The following CACNA1D variants were observed in gnomAD, a reference collection of about 807,000 sequenced individuals.
The protein encoded by CACNA1D is voltage-dependent L-type calcium channel subunit alpha-1D.
CACNA1D carries 55 observed loss-of-function variants against 257.1 expected under a neutral mutation model. That is an observed-to-expected ratio of 0.21 (90% CI 0.17 to 0.27). CACNA1D has a LOEUF of 0.27. Ranked by LOEUF, CACNA1D falls within the 10% of genes least tolerant of loss-of-function variation. CACNA1D has a pLI of 1.00. For synonymous variants in CACNA1D, 980 were observed against 1,014.9 expected (o/e 0.97, Z 0.65); for missense variants, 1,876 against 2,784.0 (o/e 0.67, Z 7.34).
chr3:53,638,518 A>G (rs2612019), intron 3 of CACNA1D, among the ~76,000 whole-genome samples: 9,491 of 152,262 alleles, frequency 0.062, 1,006 homozygotes, highest in African/African-American at 0.21. Context: ...GTAATAGCCA[A>G]TGTTCCATGA....
intron 3 of CACNA1D, among the ~76,000 whole-genome samples, chr3:53,622,899 T>C (rs1355608923): frequency 6.6e-6 from 1 of 152,050 alleles, no homozygotes; most frequent in Admixed American, 6.5e-5. Flanking sequence ...GAAGCCTTTT[T>C]TTTTTTTTGA....
At chr3:53,721,019 A>G (rs1019393665) in intron 11 of CACNA1D, among the ~76,000 whole-genome samples, 3 of 152,222 alleles carry the variant, frequency 2.0e-5, no homozygotes, top group Non-Finnish European at 4.4e-5. Context: ...GGTCCATCAA[A>G]TGTGAATGGG....
At chr3:53,648,528 G>A (rs942915335) in intron 3 of CACNA1D, among the ~76,000 whole-genome samples, 4 of 152,100 alleles carry the variant, frequency 2.6e-5, no homozygotes, top group Non-Finnish European at 2.9e-5. Flanking sequence ...GTGTGTGATC[G>A]TTCCTCCAGC....
In CACNA1D at chr3:53,661,549, A is replaced by G. The variant is rs185945536; in HGVS notation, c.766+1274A>G. 2.2e-4 allele frequency among the ~76,000 whole-genome samples: 34 copies of G among 152,346 alleles called. No individual in the cohort carries two copies. The East Asian group carries it at 6.4e-3, about 29-fold the overall frequency. ...TAAATGAGAAGTTCAGTGAGCAAAC[A>G]TGTTCTTCCAGATTTAGTTGTTATA... On this transcript the variant is annotated intron_variant, in intron 5 of 47. Transcript: ENST00000350061.
rs1344902950 is a variant in CACNA1D, at chr3:53,494,976, G to T, written c.-191G>T. 8.4e-6 allele frequency: 5 copies of T among 597,026 alleles called. No individual in the cohort carries two copies. In the East Asian group the frequency reaches 8.4e-5, roughly 10 times the overall value. The allele number at this position is 597,026 out of a possible 1,614,324, so 37.0% of individuals were successfully genotyped here. ...AAAGAGAGAGCTTGGGTGGCGAGCG[G>T]TTTTTTTTTTAAATCAATTATCCTT... On this transcript the variant is annotated 5_prime_UTR_variant, in exon 1 of 48. Coordinates refer to ENST00000350061, the MANE Select transcript of CACNA1D (RefSeq NM_001128840.3).
chr3:53,634,737 C>T (rs954635257), intron 3 of CACNA1D, among the ~76,000 whole-genome samples: 1 of 152,190 alleles, frequency 6.6e-6, no homozygotes, highest in African/African-American at 2.4e-5. Flanking sequence ...CATTTCCCAC[C>T]ATCAGTATCA....
chr3:53,720,967 C>G (rs1171339956), intron 11 of CACNA1D, among the ~76,000 whole-genome samples: 1 of 152,228 alleles, frequency 6.6e-6, no homozygotes, highest in Non-Finnish European at 1.5e-5. Flanking sequence ...AATGTTTGTA[C>G]CAGTTTTATT....
chr3:53,553,308 TA>T (rs1190133996), intron 3 of CACNA1D, among the ~76,000 whole-genome samples: 2 of 152,200 alleles, frequency 1.3e-5, no homozygotes, highest in African/African-American at 4.8e-5. Flanking sequence ...TATGAAGTTA[TA>T]AAAAAATGTG....
intron 8 of CACNA1D, among the ~76,000 whole-genome samples, chr3:53,697,045 C>T (rs1015409017): frequency 6.6e-6 from 1 of 152,170 alleles, no homozygotes; most frequent in Non-Finnish European, 1.5e-5. Flanking sequence ...CTGCATAAGA[C>T]ACTTCACAGC....
Position 53,732,095 on chromosome 3 carries a change from A to T in CACNA1D, c.2473+13A>T. On this transcript the variant is annotated intron_variant, in intron 18 of 47. Transcript: ENST00000350061. ...TGCGATGTGCCAGGTATGGTGGCGG[A>T]GGCCGGAGACGCTGGCTTTGCTGTG... 2.5e-6 allele frequency: 4 copies of T among 1,603,438 alleles called. No individual in the cohort carries two copies. The highest frequency in any genetic ancestry group is 3.4e-6 in the Non-Finnish European group (4 of 1,170,260).
intron 26 of CACNA1D, 62 bp from the exon 27 acceptor site, chr3:53,749,206 G>A: frequency 1.7e-6 from 2 of 1,201,540 alleles, no homozygotes. Flanking sequence ...TGGGAAGGCA[G>A]CGGGCTGGGC....
At chr3:53,609,495 T>C (rs2093556830) in intron 3 of CACNA1D, among the ~76,000 whole-genome samples, 1 of 152,036 alleles carries the variant, frequency 6.6e-6, no homozygotes, top group Admixed American at 6.6e-5. Context: ...ATCTGAGCTT[T>C]GGTAGCTTGT....
intron 3 of CACNA1D, among the ~76,000 whole-genome samples, chr3:53,641,175 C>T (rs2093946014): frequency 6.6e-6 from 1 of 152,150 alleles, no homozygotes; most frequent in Non-Finnish European, 1.5e-5. Context: ...GGACCCATGA[C>T]AGACGTCAGT....
chr3:53,666,383 A>C lies in CACNA1D; in HGVS notation c.964A>C (p.Asn322His). 1 of 1,614,128 alleles carries C rather than the reference A, an allele frequency of 6.2e-7. No individual in the cohort carries two copies. Among genetic ancestry groups the C allele is most frequent in the Non-Finnish European group, 8.5e-7 (1 of 1,180,014 alleles). The change falls in exon 7 of 48, where the codon AAT becomes CAT. Residue 322 changes from asparagine to histidine, a missense_variant. By Grantham distance (68) the Asn-to-His change is moderately conservative. Around this residue, in one of 10 missense-constraint regions of CACNA1D, gnomAD observed 188 missense variants for 390.4 expected, o/e 0.48. Coordinates refer to ENST00000350061, the MANE Select transcript of CACNA1D (RefSeq NM_001128840.3). ...CCCAGCTCCATGTGCGTTCTCAGGG[A>C]ATGGACGCCAGTGTACTGCCAATGG... is the stretch of plus-strand genomic sequence containing the variant. ...EDPAPCAFSG[N>H]GRQCTANGTE...
intron 8 of CACNA1D, among the ~76,000 whole-genome samples, chr3:53,692,778 C>G (rs1042333739): frequency 6.6e-6 from 1 of 152,266 alleles, no homozygotes; most frequent in African/African-American, 2.4e-5. Context: ...ACAACCCTGG[C>G]TGGGCACAGT....
chr3:53,584,060 T>C (rs2093174597), intron 3 of CACNA1D, among the ~76,000 whole-genome samples: 1 of 152,162 alleles, frequency 6.6e-6, no homozygotes, highest in Admixed American at 6.5e-5. Context: ...TGAGTGATCA[T>C]TCTCATCTAC....
intron 3 of CACNA1D, among the ~76,000 whole-genome samples, chr3:53,537,257 CTT>C (rs2092141578): frequency 6.6e-6 from 1 of 152,070 alleles, no homozygotes; most frequent in African/African-American, 2.4e-5. Context: ...TAAAAATACT[CTT>C]AACCTTTTAC....
intron 3 of CACNA1D, among the ~76,000 whole-genome samples, chr3:53,588,057 A>G (rs1211763796): frequency 1.3e-5 from 2 of 152,212 alleles, no homozygotes; most frequent in African/African-American, 4.8e-5. Flanking sequence ...CAAATTTTAG[A>G]TGAATTCTTT....
In CACNA1D at chr3:53,649,764, G is replaced by A. The variant is rs140988319; in HGVS notation, c.484-1015G>A. Among the ~76,000 whole-genome samples, 671 of 152,320 alleles carry A rather than the reference G, an allele frequency of 4.4e-3. 1 individual carries two copies. The highest frequency in any genetic ancestry group is 7.7e-3 in the Non-Finnish European group (522 of 68,024). On this transcript the variant is annotated intron_variant, in intron 3 of 47. Transcript: ENST00000350061. ...GTATAGGACTCTATAGTTCATATTG[G>A]AAAGTTACAGTTGCTGATGATACTT...
Sources: allele counts gnomAD v4.1 joint callset (sites outside exome capture counted in the v4.1 genomes callset), GRCh38; gene constraint gnomAD v4.1.1; regional missense constraint gnomAD v4.1.1; transcripts MANE v1.5; gene names NCBI Gene and HGNC (gene_info 2026-07-23, HGNC 2026-07-21).